STK3: variants seen among roughly 807,000 people sequenced by gnomAD.
STK3 encodes serine/threonine-protein kinase 3.
A neutral mutation model predicts 58.0 loss-of-function variants in STK3; 41 were observed. The ratio of observed to expected loss-of-function variants is 0.71; its 90% confidence interval spans 0.55 to 0.92. The LOEUF (loss-of-function observed/expected upper bound fraction) is 0.92, where lower values mean the gene tolerates loss of function less well. Among genes scored for constraint, STK3 ranks in the 40% least tolerant of loss-of-function variants. The probability of loss-of-function intolerance (pLI) is 0.00; values close to 1 mark genes in which losing one functional copy is unlikely to be tolerated. For missense variants in STK3, 479 were observed against 602.7 expected (o/e 0.79, Z 2.15); for synonymous variants, 170 against 191.0 (o/e 0.89, Z 0.91).
intron 8 of STK3, among the ~76,000 whole-genome samples, chr8:98,555,081 A>G (rs1006905760): frequency 6.6e-6 from 1 of 152,134 alleles, no homozygotes; most frequent in African/African-American, 2.4e-5. Flanking sequence ...AATGCAAAAC[A>G]CAGTACTGAT....
intron 3 of STK3, among the ~76,000 whole-genome samples, chr8:98,418,060 C>A (rs1818133522): frequency 6.6e-6 from 1 of 152,072 alleles, no homozygotes; most frequent in Non-Finnish European, 1.5e-5. Context: ...AAGGTGTGTA[C>A]CACCATCCCC....
At chr8:98,550,405 TA>T (rs1563730418) in intron 8 of STK3, among the ~76,000 whole-genome samples, 1 of 152,210 alleles carries the variant, frequency 6.6e-6, no homozygotes, top group Non-Finnish European at 1.5e-5. Context: ...TAAAGATGTC[TA>T]AAATTTGACA....
At position 98,464,272 on chromosome 8, in the gene STK3, C is replaced by T. The variant is rs547285174; in HGVS notation, c.1318-8272G>A. 1.2e-3 allele frequency among the ~76,000 whole-genome samples: 182 copies of T among 152,194 alleles called. 1 individual carries two copies. Among genetic ancestry groups the T allele is most frequent in the African/African-American group, 4.3e-3 (178 of 41,528 alleles). ...GCATGTCTCAGACTGTTTTGAGTTT[C>T]TTGTGGCCTGGAGCAACATACTCTT... On this transcript the variant is annotated intron_variant, in intron 10 of 10. Coordinates refer to ENST00000419617, the MANE Select transcript of STK3 (RefSeq NM_006281.4).
the STK3 span, among the ~76,000 whole-genome samples, chr8:98,344,923 A>AAT: frequency 1.3e-5 from 2 of 150,618 alleles, no homozygotes; most frequent in African/African-American, 4.9e-5. Context: ...AAAAAAGAAA[A>AAT]TATGGGACTC....
At chr8:98,635,900 C>T (rs958135115) in intron 6 of STK3, among the ~76,000 whole-genome samples, 3 of 152,016 alleles carry the variant, frequency 2.0e-5, no homozygotes, top group South Asian at 2.1e-4. Context: ...CTATTACTTA[C>T]GAAATAAAGT....
At chr8:98,744,543 G>A (rs900689137) in intron 4 of STK3, among the ~76,000 whole-genome samples, 7 of 138,306 alleles carry the variant, frequency 5.1e-5, no homozygotes, top group Middle Eastern at 3.6e-3. Flanking sequence ...GAGAACACAT[G>A]GACACAGGAA....
chr8:98,632,154 C>A (rs1015304289), intron 6 of STK3, among the ~76,000 whole-genome samples: 1 of 152,124 alleles, frequency 6.6e-6, no homozygotes, highest in Non-Finnish European at 1.5e-5. Context: ...AATCCATAAA[C>A]CTCGCAAAGA....
At chr8:98,403,481 A>C (rs1300352966) in intron 3 of STK3, among the ~76,000 whole-genome samples, 2 of 152,186 alleles carry the variant, frequency 1.3e-5, no homozygotes, top group African/African-American at 4.8e-5. Flanking sequence ...ACAAAACAGA[A>C]GTTTAATCCT....
At chr8:98,599,134 C>T (rs190952792) in intron 6 of STK3, among the ~76,000 whole-genome samples, 116 of 152,182 alleles carry the variant, frequency 7.6e-4, no homozygotes, top group Admixed American at 1.8e-3. Context: ...TATTTAAGAA[C>T]CTCAGATATA....
chr8:98,526,817 C>G lies in STK3; in HGVS notation c.1242G>C (p.Met414Ile). 1 of 1,600,830 alleles carries G rather than the reference C, an allele frequency of 6.2e-7. No homozygotes were observed. The highest frequency in any genetic ancestry group is 8.5e-7 in the Non-Finnish European group (1 of 1,171,722). ...TTTTGGACATAGGGAAGGGTTCATG[C>G]ATGTTCTGATTACAGTTTTCGTGAC... ...NKSHENCNQN[M>I]HEPFPMSKNV... The change falls in exon 10 of 11, where the codon ATG becomes ATC. Residue 414 changes from methionine (M) to isoleucine (I), a missense_variant. By Grantham distance (10) the Met-to-Ile change is conservative. Transcript: ENST00000419617.
chr8:98,483,167 C>T (rs997282322), intron 10 of STK3, among the ~76,000 whole-genome samples: 1 of 152,126 alleles, frequency 6.6e-6, no homozygotes, highest in Non-Finnish European at 1.5e-5. Flanking sequence ...CAAGTCAAGG[C>T]TAGGATGCTG....
intron 1 of STK3, among the ~76,000 whole-genome samples, chr8:98,387,242 T>C (rs1308770305): frequency 6.6e-6 from 1 of 152,204 alleles, no homozygotes; most frequent in Non-Finnish European, 1.5e-5. Flanking sequence ...AATGTTTCTA[T>C]TGTTATTCTA....
In STK3 at chr8:98,448,347, C is replaced by T. The variant is rs142665512; in HGVS notation, n.186-11139G>A. 2.9e-4 allele frequency among the ~76,000 whole-genome samples: 44 copies of T among 152,310 alleles called. No individual in the cohort carries two copies. In the East Asian group the frequency reaches 6.7e-3, roughly 23 times the overall value. On this transcript the variant is annotated intron_variant and non_coding_transcript_variant, in intron 1 of 3. Transcript: ENST00000517832. ...ATTGATTAATAATGAAACAATTCCA[C>T]ATTTCAGATTCCTCCATGTACCTTG...
At chr8:98,745,549 T>C (rs1273016219) in intron 4 of STK3, among the ~76,000 whole-genome samples, 13 of 152,190 alleles carry the variant, frequency 8.5e-5, no homozygotes, top group Admixed American at 8.5e-4. Context: ...CAGTGTATTT[T>C]GTCTGAAAAC....
At chr8:98,376,448 TA>T (rs1247952440) in intron 2 of STK3, among the ~76,000 whole-genome samples, 1 of 152,226 alleles carries the variant, frequency 6.6e-6, no homozygotes, top group Non-Finnish European at 1.5e-5. Context: ...TCATCATTTA[TA>T]AAAAAGATTA....
At chr8:98,834,836 T>C (rs1835689333) in intron 3 of STK3, among the ~76,000 whole-genome samples, 1 of 152,176 alleles carries the variant, frequency 6.6e-6, no homozygotes, top group Non-Finnish European at 1.5e-5. Context: ...ATGATGAGAT[T>C]CAGAAAATAT....
intron 1 of STK3, among the ~76,000 whole-genome samples, chr8:98,926,718 T>A (rs953954157): frequency 1.3e-5 from 2 of 152,134 alleles, no homozygotes; most frequent in Admixed American, 6.5e-5. Context: ...CATAGCCAGA[T>A]CTTCTTAAAA....
intron 3 of STK3, among the ~76,000 whole-genome samples, chr8:98,420,140 T>C (rs570229408): frequency 6.6e-6 from 1 of 152,326 alleles, no homozygotes; most frequent in South Asian, 2.1e-4. Flanking sequence ...ATTGTGGAAA[T>C]AATTAATAAA....
chr8:98,547,774 T>C (rs558494983), intron 9 of STK3, among the ~76,000 whole-genome samples, 195 bp downstream of exon 9: 1 of 152,238 alleles, frequency 6.6e-6, no homozygotes, highest in African/African-American at 2.4e-5. Flanking sequence ...AAGTTGAAGA[T>C]GTGTTGTTTT....
Sources: gnomAD v4.1 joint callset for allele counts (sites outside exome capture counted in the v4.1 genomes callset) on GRCh38, gnomAD v4.1.1 for gene constraint, MANE v1.5 for transcripts, NCBI Gene and HGNC (gene_info 2026-07-23, HGNC 2026-07-21) for gene names.